The following ANXA11 variants were observed in gnomAD, a reference collection of about 807,000 sequenced individuals.
The protein encoded by ANXA11 is annexin A11.
Under a neutral mutation model 64.7 loss-of-function variants are expected in ANXA11, and 57 were observed. That is an observed-to-expected ratio of 0.88 (90% CI 0.71 to 1.10). The LOEUF is 1.10. Ranked by LOEUF, ANXA11 falls within the 50% of genes least tolerant of loss-of-function variation. The pLI, the probability that ANXA11 is intolerant of heterozygous loss-of-function variation, is 0.00. For synonymous variants in ANXA11, 260 were observed against 265.2 expected (o/e 0.98, Z 0.19); for missense variants, 675 against 670.7 (o/e 1.01, Z -0.07).
At chr10:80,158,714 T>G (rs1845379616) in intron 13 of ANXA11, among the ~76,000 whole-genome samples, 1 of 152,134 alleles carries the variant, frequency 6.6e-6, no homozygotes, top group African/African-American at 2.4e-5. Flanking sequence ...CTGCTGCAAG[T>G]AAAAATCTTT....
chr10:80,201,025 G>A (rs558758997), intron 1 of ANXA11, among the ~76,000 whole-genome samples: 2 of 152,248 alleles, frequency 1.3e-5, no homozygotes, highest in South Asian at 4.2e-4. Context: ...AGGGTAAATC[G>A]AGGCAACAGA....
chr10:80,166,007 T>C (rs1197863242), intron 8 of ANXA11, 77 bp downstream of exon 8: 3 of 841,764 alleles, frequency 3.6e-6, no homozygotes, highest in Non-Finnish European at 5.6e-6. Context: ...CTGGGCTGTG[T>C]GTCCACACGC....
intron 1 of ANXA11, among the ~76,000 whole-genome samples, chr10:80,192,331 T>C (rs1202103203): frequency 2.6e-5 from 4 of 152,134 alleles, no homozygotes; most frequent in African/African-American, 9.7e-5. Context: ...CCTCTTCATA[T>C]AGACAGCAAA....
At position 80,152,466 on chromosome 10, in the gene ANXA11, G is replaced by A. The variant is rs974892846; in HGVS notation, c.*3387C>T. On this transcript the variant is annotated 3_prime_UTR_variant, in exon 16 of 16. Transcript: ENST00000422982. Reference sequence around the variant, plus strand: ...GGGCAGCGAGAGGAACAGGAAGGCAGGGAGAAACAGGACTAGGACAAACAC... The same window carrying A: ...GGGCAGCGAGAGGAACAGGAAGGCAAGGAGAAACAGGACTAGGACAAACAC... 1 of 152,522 alleles carries A rather than the reference G, an allele frequency of 6.6e-6. No homozygotes were observed. Among genetic ancestry groups the A allele is most frequent in the African/African-American group, 2.4e-5 (1 of 41,446 alleles). 9.4% of individuals were successfully genotyped at this position (152,522 alleles called of 1,614,324 possible).
At chr10:80,166,314 T>A (rs1845738673) in intron 7 of ANXA11, 117 bp from the exon 8 acceptor site, 2 of 626,442 alleles carry the variant, frequency 3.2e-6, no homozygotes, top group Non-Finnish European at 5.6e-6. Context: ...AGCATGGACA[T>A]CCCCCAGGGG....
chr10:80,172,642 CCT>C (rs1846022580), intron 3 of ANXA11, among the ~76,000 whole-genome samples, 163 bp downstream of exon 3: 4 of 152,144 alleles, frequency 2.6e-5, no homozygotes, highest in Non-Finnish European at 5.9e-5. Flanking sequence ...TTCTCCAGCC[CCT>C]GCCTCGGCTG....
At chr10:80,195,869 C>T (rs1031052512) in intron 1 of ANXA11, 2 of 152,522 alleles carry the variant, frequency 1.3e-5, no homozygotes, top group African/African-American at 4.8e-5. Flanking sequence ...GACTTATTCA[C>T]TATCACGAGA....
chr10:80,168,524 T>TTTTTTG (rs557640803), intron 5 of ANXA11, among the ~76,000 whole-genome samples: 4 of 152,108 alleles, frequency 2.6e-5, no homozygotes, highest in Admixed American at 1.3e-4. Flanking sequence ...TTGTTTGTCT[T>TTTTTTG]TTTTTGTTTT....
At chr10:80,172,061 A>G (rs981525461) in intron 3 of ANXA11, among the ~76,000 whole-genome samples, 1 of 152,144 alleles carries the variant, frequency 6.6e-6, no homozygotes, top group Non-Finnish European at 1.5e-5. Flanking sequence ...GAAATCAATG[A>G]TGCCTAGGAG....
intron 1 of ANXA11, among the ~76,000 whole-genome samples, chr10:80,191,278 C>T (rs1846763631): frequency 6.6e-6 from 1 of 152,086 alleles, no homozygotes; most frequent in Admixed American, 6.5e-5. Context: ...TGGCACGTGC[C>T]TGTAGTCCCA....
intron 2 of ANXA11, among the ~76,000 whole-genome samples, chr10:80,174,425 C>T (rs80215701): frequency 0.14 from 21,552 of 151,558 alleles, 1,904 homozygotes; most frequent in South Asian, 0.24. Context: ...TACAGGCGCC[C>T]GCCATCATGT....
chr10:80,174,896 G>GT (rs1239306989), intron 2 of ANXA11, among the ~76,000 whole-genome samples: 2 of 152,214 alleles, frequency 1.3e-5, no homozygotes, highest in Non-Finnish European at 2.9e-5. Context: ...CTTCCTTAAG[G>GT]TACCACCGGT....
chr10:80,166,815 A>T, intron 7 of ANXA11, 75 bp downstream of exon 7: 1 of 1,190,878 alleles, frequency 8.4e-7, no homozygotes, highest in Non-Finnish European at 1.2e-6. Context: ...CCACCCAAGG[A>T]AAAGCAGGGG....
Position 80,167,256 on chromosome 10 carries a change from CG to C in ANXA11, c.618del (p.Glu207ArgfsTer7). The C allele has an allele frequency of 6.2e-7, 1 of 1,614,140 alleles. No homozygotes were observed. The highest frequency in any genetic ancestry group is 8.5e-7 in the Non-Finnish European group (1 of 1,180,026). On this transcript the variant is annotated frameshift_variant, in exon 6 of 16. Transcript: ENST00000422982. LOFTEE classifies it high-confidence loss of function. ...DAPGFDPLRD[A>X]EVLRKAMKGF... ...CCTTTCATGGCCTTCCGCAGGACCT[CG>C]GCATCTCGCAGGGGGTCAAAGCCGG...
intron 1 of ANXA11, among the ~76,000 whole-genome samples, chr10:80,192,497 G>A (rs1846819003): frequency 6.6e-6 from 1 of 152,222 alleles, no homozygotes; most frequent in South Asian, 2.1e-4. Flanking sequence ...AACAGACAAT[G>A]ATGAGAAATA....
chr10:80,168,152 G>A (rs934789399), intron 5 of ANXA11, among the ~76,000 whole-genome samples: 6 of 150,554 alleles, frequency 4.0e-5, no homozygotes, highest in Admixed American at 3.4e-4. Context: ...CTGCAAACAC[G>A]AACTGTTCTC....
intron 1 of ANXA11, among the ~76,000 whole-genome samples, chr10:80,178,725 A>C (rs1846257357): frequency 6.6e-6 from 1 of 152,222 alleles, no homozygotes; most frequent in Admixed American, 6.5e-5. Context: ...TTGCATTTCC[A>C]GTGGCTCCCA....
chr10:80,167,925 T>C (rs1336053812), intron 5 of ANXA11, among the ~76,000 whole-genome samples: 1 of 152,082 alleles, frequency 6.6e-6, no homozygotes, highest in Non-Finnish European at 1.5e-5. Context: ...ATTGTCTTCC[T>C]AGGGGCTGGT....
chr10:80,184,610 T>C (rs2819948), intron 1 of ANXA11, among the ~76,000 whole-genome samples: 9,592 of 152,226 alleles, frequency 0.063, 305 homozygotes, highest in Middle Eastern at 0.099. Flanking sequence ...AGTGTGTTTA[T>C]ATAACTATAA....
Sources: gnomAD v4.1 joint callset for allele counts (sites outside exome capture counted in the v4.1 genomes callset) on GRCh38, gnomAD v4.1.1 for gene constraint, MANE v1.5 for transcripts, NCBI Gene and HGNC (gene_info 2026-07-23, HGNC 2026-07-21) for gene names.